CDH18: variants seen among roughly 807,000 people sequenced by gnomAD.
CDH18 encodes the protein cadherin-18.
CDH18 carries 31 observed loss-of-function variants against 67.9 expected under a neutral mutation model. The ratio of observed to expected loss-of-function variants is 0.46; its 90% confidence interval spans 0.34 to 0.62. The LOEUF is 0.62. CDH18 is among the 20% of genes least tolerant of loss of function. CDH18 has a pLI of 0.01. For synonymous variants in CDH18, 362 were observed against 347.2 expected (o/e 1.04, Z -0.48); for missense variants, 890 against 975.5 (o/e 0.91, Z 1.17).
intron 3 of CDH18, among the ~76,000 whole-genome samples, chr5:19,826,740 A>G (rs1431236119): frequency 6.6e-6 from 1 of 152,222 alleles, no homozygotes; most frequent in Non-Finnish European, 1.5e-5. Context: ...GGAGTGCCAT[A>G]GATGGAAGAG....
At chr5:20,309,188 G>C (rs1345356407) in intron 1 of CDH18, among the ~76,000 whole-genome samples, 1 of 152,192 alleles carries the variant, frequency 6.6e-6, no homozygotes, top group African/African-American at 2.4e-5. Flanking sequence ...ACAAGTTATA[G>C]AGAAAATTGT....
At chr5:20,278,386 A>C (rs1452718943) in intron 1 of CDH18, among the ~76,000 whole-genome samples, 1 of 152,148 alleles carries the variant, frequency 6.6e-6, no homozygotes, top group East Asian at 1.9e-4. Flanking sequence ...GGAAAAAAAA[A>C]ATCCCAGAAT....
chr5:19,746,964 A>C lies in CDH18; in HGVS notation c.501T>G (p.Thr167=). Residue 167 remains threonine (T), a synonymous_variant, in exon 4 of 13, where the codon ACT becomes ACG. Transcript: ENST00000382275. ...TACCCATATCTGACATTTCAGGCACAGTAACAATGTATGGTCCATCTGTGA... is the reference window on the plus strand; with the variant it reads ...TACCCATATCTGACATTTCAGGCACCGTAACAATGTATGGTCCATCTGTGA... ...PKFTDGPYIV[T]VPEMSDMGTS... 2 of 1,613,786 alleles carry C rather than the reference A, an allele frequency of 1.2e-6. No individual in the cohort carries two copies. Among genetic ancestry groups the C allele is most frequent in the Non-Finnish European group, 1.7e-6 (2 of 1,179,638 alleles).
chr5:19,597,889 T>C (rs1161462620), intron 6 of CDH18, among the ~76,000 whole-genome samples: 1 of 152,218 alleles, frequency 6.6e-6, no homozygotes, highest in Non-Finnish European at 1.5e-5. Flanking sequence ...TCATCTTTTT[T>C]TGTATTTTTT....
At chr5:20,220,726 C>T (rs1369856663) in intron 2 of CDH18, among the ~76,000 whole-genome samples, 1 of 151,892 alleles carries the variant, frequency 6.6e-6, no homozygotes. Context: ...AACTATCCAG[C>T]TGACAAGGGA....
intron 1 of CDH18, among the ~76,000 whole-genome samples, chr5:19,982,349 AATAAATACAAT>A (rs1305704570): frequency 6.6e-6 from 1 of 152,124 alleles, no homozygotes; most frequent in Admixed American, 6.5e-5. Context: ...GACATTAAAA[AATAAATACAAT>A]ATAAACAACA....
chr5:19,830,851 A>G (rs1478776170), intron 3 of CDH18, among the ~76,000 whole-genome samples: 1 of 152,170 alleles, frequency 6.6e-6, no homozygotes, highest in Non-Finnish European at 1.5e-5. Flanking sequence ...AATACTACAC[A>G]GCCTTGAAAA....
At chr5:20,306,817 T>C (rs1027644380) in intron 1 of CDH18, among the ~76,000 whole-genome samples, 4 of 152,242 alleles carry the variant, frequency 2.6e-5, no homozygotes, top group African/African-American at 9.6e-5. Context: ...TTTCCATATT[T>C]ATTATGGAAT....
chr5:19,861,087 C>A (rs1784843448), intron 2 of CDH18, among the ~76,000 whole-genome samples: 2 of 152,124 alleles, frequency 1.3e-5, no homozygotes, highest in African/African-American at 4.8e-5. Context: ...TACTATCTTA[C>A]AGAACGTTAT....
chr5:19,526,337 C>T (rs889331549), intron 9 of CDH18, among the ~76,000 whole-genome samples: 1 of 152,132 alleles, frequency 6.6e-6, no homozygotes, highest in Admixed American at 6.5e-5. Context: ...AATAGGGACT[C>T]ATGTCATCAG....
chr5:20,124,919 T>A (rs561434922), intron 2 of CDH18, among the ~76,000 whole-genome samples: 2,231 of 152,242 alleles, frequency 0.015, 55 homozygotes, highest in African/African-American at 0.051. Flanking sequence ...AGATAAGGAA[T>A]TATATTTGTA....
At chr5:19,986,516 G>T (rs1799580051) in intron 1 of CDH18, among the ~76,000 whole-genome samples, 1 of 152,144 alleles carries the variant, frequency 6.6e-6, no homozygotes, top group South Asian at 2.1e-4. Context: ...GGTTTTTTAA[G>T]TTGGCTATCT....
intron 2 of CDH18, among the ~76,000 whole-genome samples, chr5:20,043,438 C>T (rs759450269): frequency 1.3e-5 from 2 of 152,164 alleles, no homozygotes; most frequent in Non-Finnish European, 2.9e-5. Flanking sequence ...TCTCCTGCTG[C>T]TGTGGCTCCA....
At chr5:20,561,578 G>A (rs1758219331) in intron 1 of CDH18, among the ~76,000 whole-genome samples, 2 of 152,008 alleles carry the variant, frequency 1.3e-5, no homozygotes, top group South Asian at 2.1e-4. Flanking sequence ...ATCAGTAGTT[G>A]CCAGGGGTAA....
chr5:19,599,553 A>G (rs1276955299), intron 6 of CDH18, among the ~76,000 whole-genome samples: 1 of 152,148 alleles, frequency 6.6e-6, no homozygotes, highest in East Asian at 1.9e-4. Context: ...ATTAATAGTC[A>G]TCAGCTCTGT....
At chr5:19,641,224 G>C (rs184444271) in intron 5 of CDH18, among the ~76,000 whole-genome samples, 20 of 149,760 alleles carry the variant, frequency 1.3e-4, no homozygotes, top group Admixed American at 5.3e-4. Context: ...AAAAGCTCAG[G>C]ACCAGGTATC....
chr5:19,674,813 C>T (rs975767499), intron 5 of CDH18, among the ~76,000 whole-genome samples: 4 of 152,002 alleles, frequency 2.6e-5, no homozygotes, highest in African/African-American at 9.7e-5. Flanking sequence ...ACCGGTTTAT[C>T]GTTACACAAA....
At chr5:20,207,393 A>G (rs1739982485) in intron 2 of CDH18, among the ~76,000 whole-genome samples, 1 of 152,074 alleles carries the variant, frequency 6.6e-6, no homozygotes, top group Non-Finnish European at 1.5e-5. Flanking sequence ...TGTTAAAATA[A>G]CAATAATACC....
At chr5:19,932,142 C>T (rs1219987333) in intron 2 of CDH18, among the ~76,000 whole-genome samples, 1 of 151,722 alleles carries the variant, frequency 6.6e-6, no homozygotes, top group African/African-American at 2.4e-5. Context: ...CCATATGTGG[C>T]ATATGGGATA....
Sources: allele counts gnomAD v4.1 joint callset (sites outside exome capture counted in the v4.1 genomes callset), GRCh38; gene constraint gnomAD v4.1.1; transcripts MANE v1.5; gene names NCBI Gene and HGNC (gene_info 2026-07-23, HGNC 2026-07-21).